ULK2: variants seen among roughly 807,000 people sequenced by gnomAD.
The protein encoded by ULK2 is serine/threonine-protein kinase ULK2.
In ULK2, 76 loss-of-function variants were observed where a neutral mutation model predicts 127.5. The ratio of observed to expected loss-of-function variants is 0.60; its 90% CI spans 0.50 to 0.72. The LOEUF (loss-of-function observed/expected upper bound fraction) is 0.72. Ranked by LOEUF, ULK2 falls within the 30% of genes least tolerant of loss-of-function variation. The pLI is 0.00. For synonymous variants in ULK2, 452 were observed against 461.9 expected, an observed-to-expected ratio of 0.98 and a Z score of 0.28; for missense variants, 1,144 against 1,295.9, an observed-to-expected ratio of 0.88 and a Z score of 1.80.
Position 19,847,923 on chromosome 17 carries a change from G to T in ULK2, c.296-1013C>A, listed in dbSNP as rs956358081. 8.5e-5 allele frequency among the ~76,000 whole-genome samples: 13 copies of T among 152,244 alleles called. No individual in the cohort carries two copies. The East Asian group carries it at 2.5e-3, about 29-fold the overall frequency. ...CTTGACTTGAAGTCTAGCTGCCTTT[G>T]TTCAACTCCTAGTTCTTCCACTTAA... is the stretch of plus-strand genomic sequence containing the variant. On this transcript the variant is annotated intron_variant, in intron 5 of 26. Coordinates refer to ENST00000395544, the MANE Select transcript of ULK2 (RefSeq NM_014683.4).
intron 20 of ULK2, among the ~76,000 whole-genome samples, chr17:19,794,768 T>C (rs1597723589): frequency 6.6e-6 from 1 of 150,646 alleles, no homozygotes; most frequent in Middle Eastern, 3.5e-3. Flanking sequence ...TTCTCAAATC[T>C]GGGTGTCCAC....
chr17:19,850,975 T>C (rs1402919652), intron 3 of ULK2, among the ~76,000 whole-genome samples: 3 of 151,712 alleles, frequency 2.0e-5, no homozygotes, highest in Admixed American at 6.6e-5. Context: ...GCCCAAGAGT[T>C]CAAGACTAGC....
intron 10 of ULK2, among the ~76,000 whole-genome samples, chr17:19,837,457 C>T (rs2041626304): frequency 6.6e-6 from 1 of 152,062 alleles, no homozygotes; most frequent in African/African-American, 2.4e-5. Flanking sequence ...TAAATCCAGG[C>T]TGACAACTCC....
intron 12 of ULK2, among the ~76,000 whole-genome samples, chr17:19,819,439 G>T (rs169460): frequency 0.96 from 146,244 of 152,238 alleles, 70,436 homozygotes; most frequent in African/African-American, 0.99. Context: ...GAGAAGAGTA[G>T]AGAGTTCCCC....
chr17:19,812,469 C>T (rs1352700056), intron 13 of ULK2, among the ~76,000 whole-genome samples: 1 of 152,214 alleles, frequency 6.6e-6, no homozygotes, highest in African/African-American at 2.4e-5. Flanking sequence ...TACCGAATAT[C>T]ATGGCTAAGC....
intron 6 of ULK2, among the ~76,000 whole-genome samples, chr17:19,846,439 A>C (rs571982566): frequency 6.6e-6 from 1 of 152,236 alleles, no homozygotes; most frequent in East Asian, 1.9e-4. Flanking sequence ...CAGGAGTTCA[A>C]GACCAGCCTG....
chr17:19,795,036 G>A (rs980599578), intron 20 of ULK2, among the ~76,000 whole-genome samples: 7 of 151,826 alleles, frequency 4.6e-5, no homozygotes, highest in South Asian at 4.2e-4. Flanking sequence ...CCAAGATTGC[G>A]CCACTGCCCT....
intron 13 of ULK2, 116 bp downstream of exon 13, chr17:19,816,628 TAAATA>T: frequency 1.2e-6 from 1 of 867,230 alleles, no homozygotes; most frequent in South Asian, 4.1e-5. Flanking sequence ...TTCAAACAAC[TAAATA>T]AAATGCTCAT....
At chr17:19,856,952 T>C (rs1454819696) in intron 3 of ULK2, among the ~76,000 whole-genome samples, 1 of 113,552 alleles carries the variant, frequency 8.8e-6, no homozygotes, top group Non-Finnish European at 1.7e-5. Context: ...ACTCCAGCCT[T>C]GGTGACAAAG....
chr17:19,854,786 AC>A (rs1306104720), intron 3 of ULK2, among the ~76,000 whole-genome samples: 1 of 152,118 alleles, frequency 6.6e-6, no homozygotes, highest in Non-Finnish European at 1.5e-5. Flanking sequence ...GATAAATTCT[AC>A]CATGTAGGAA....
chr17:19,864,207 C>T (rs1364968437), intron 3 of ULK2, among the ~76,000 whole-genome samples: 2 of 152,146 alleles, frequency 1.3e-5, no homozygotes, highest in African/African-American at 4.8e-5. Flanking sequence ...GTGGCTCACG[C>T]CTGTAATCCC....
rs553577313 is a variant in ULK2 at position 19,780,498 on chromosome 17, G to T, written c.2890C>A (p.Leu964Ile). ...DEINSVTAEK[L>I]IYNCAVEMVQ... ...ATTTCTACAGCACAATTATAGATGA[G>T]TTTCTCTGCAGTCACACTGTTGATT... The change falls in exon 25 of 27, where the codon CTC becomes ATC. Residue 964 changes from leucine (L) to isoleucine (I), a missense_variant. This residue lies in a region of ULK2 where 913 missense variants were observed against 970.5 expected (regional missense o/e 0.94). Coordinates refer to ENST00000395544, the MANE Select transcript of ULK2 (RefSeq NM_014683.4). 1 of 1,613,038 alleles carries T rather than the reference G, an allele frequency of 6.2e-7. No homozygotes were observed. The highest frequency in any genetic ancestry group is 1.1e-5 in the South Asian group (1 of 90,702).
Position 19,867,217 on chromosome 17 carries a change from C to G in ULK2, c.90+111G>C, listed in dbSNP as rs2042371055. On this transcript the variant is annotated intron_variant, in intron 1 of 26. Coordinates refer to ENST00000395544, the MANE Select transcript of ULK2 (RefSeq NM_014683.4). The stretch of plus-strand genomic sequence containing the variant: ...ACGGGCTGCGCGCACAATAGCATAC[C>G]CGGGCGGCTAGCCGAGTCGGGGGTC... 8 of 800,090 alleles carry G rather than the reference C, an allele frequency of 1.0e-5. No homozygotes were observed. In the Admixed American group the frequency reaches 1.1e-4, roughly 11 times the overall value. 49.6% of individuals were successfully genotyped at this position (800,090 alleles called of 1,614,324 possible).
chr17:19,795,504 T>C (rs2087249748), intron 20 of ULK2, 118 bp downstream of exon 20: 3 of 865,766 alleles, frequency 3.5e-6, no homozygotes, highest in Non-Finnish European at 5.7e-6. Flanking sequence ...AACTATGAAA[T>C]AATACATTTG....
chr17:19,808,563 T>A (rs771650533), intron 14 of ULK2, among the ~76,000 whole-genome samples: 1 of 152,170 alleles, frequency 6.6e-6, no homozygotes, highest in Non-Finnish European at 1.5e-5. Context: ...TACAGAGAAC[T>A]CTTACAACCC....
At chr17:19,851,448 G>A (rs555683569) in intron 3 of ULK2, among the ~76,000 whole-genome samples, 40 of 151,688 alleles carry the variant, frequency 2.6e-4, no homozygotes, top group African/African-American at 9.4e-4. Context: ...GACCCGCCTG[G>A]CCAACATGGT....
chr17:19,858,181 C>T (rs1360615911), intron 3 of ULK2, among the ~76,000 whole-genome samples: 1 of 152,082 alleles, frequency 6.6e-6, no homozygotes. Flanking sequence ...GGGCAGGTCG[C>T]TTAAGCTCAG....
chr17:19,853,705 G>A (rs2152400574), intron 3 of ULK2, among the ~76,000 whole-genome samples: 1 of 151,986 alleles, frequency 6.6e-6, no homozygotes, highest in African/African-American at 2.4e-5. Context: ...CCGAGTAGCT[G>A]GGACTACAGG....
At chr17:19,810,756 C>T (rs2087621063) in intron 13 of ULK2, among the ~76,000 whole-genome samples, 1 of 152,134 alleles carries the variant, frequency 6.6e-6, no homozygotes, top group Non-Finnish European at 1.5e-5. Flanking sequence ...TATCAGGTTC[C>T]TTTTTCTGTG....
Sources: allele counts gnomAD v4.1 joint callset (sites outside exome capture counted in the v4.1 genomes callset), GRCh38; gene constraint gnomAD v4.1.1; regional missense constraint gnomAD v4.1.1; transcripts MANE v1.5; gene names NCBI Gene and HGNC (gene_info 2026-07-23, HGNC 2026-07-21).